The following BCAR3 variants were observed in gnomAD, a reference collection of about 807,000 sequenced individuals.
BCAR3 encodes BCAR3 adaptor protein, NSP family member, also known as breast cancer anti-estrogen resistance protein 3.
In BCAR3, 37 loss-of-function variants were observed where a neutral mutation model predicts 80.1. That is an observed-to-expected ratio of 0.46 (90% CI 0.36 to 0.61). The LOEUF is 0.61. Among genes scored for constraint, BCAR3 ranks in the 20% least tolerant of loss-of-function variants. The pLI, the probability that BCAR3 is intolerant of heterozygous loss-of-function variation, is 0.00. For synonymous variants in BCAR3, 389 were observed against 418.9 expected (o/e 0.93, Z 0.87); for missense variants, 978 against 1,068.2 (o/e 0.92, Z 1.18).
chr1:93,802,125 C>G (rs1653499754), intron 2 of BCAR3, among the ~76,000 whole-genome samples: 1 of 146,064 alleles, frequency 6.8e-6, no homozygotes, highest in South Asian at 2.1e-4. Context: ...AAGACTCCAT[C>G]TCAAAAAAAA....
chr1:93,654,692 C>T (rs1213638132), intron 2 of BCAR3, among the ~76,000 whole-genome samples: 1 of 152,198 alleles, frequency 6.6e-6, no homozygotes, highest in Non-Finnish European at 1.5e-5. Context: ...GTTGCTCAGA[C>T]ATGCCAAGCC....
chr1:93,643,565 A>AAG (rs1676060310), intron 2 of BCAR3, among the ~76,000 whole-genome samples: 1 of 147,712 alleles, frequency 6.8e-6, no homozygotes, highest in Non-Finnish European at 1.5e-5. Flanking sequence ...AAAAAAAAAA[A>AAG]AAAAAAAAAG....
At position 93,562,082 on chromosome 1, in the gene BCAR3, G is replaced by C; in HGVS notation, c.*159C>G. On this transcript the variant is annotated 3_prime_UTR_variant, in exon 12 of 12. Coordinates refer to ENST00000260502, the MANE Select transcript of BCAR3 (RefSeq NM_003567.4). ...GTAACTTTAGACAATTCATAAATAA[G>C]TGTGCTCTGTGCAATTTACACGTTT... 1.6e-6 allele frequency: 1 copy of C among 615,162 alleles called. No homozygotes were observed. The highest frequency in any genetic ancestry group is 2.6e-6 in the Non-Finnish European group (1 of 387,056). 38.1% of individuals were successfully genotyped at this position (615,162 alleles called of 1,614,324 possible). A position where few individuals can be genotyped will look rare whatever the true frequency, so the allele number is the denominator to read the frequency against.
intron 2 of BCAR3, among the ~76,000 whole-genome samples, chr1:93,822,453 C>T (rs1218359209): frequency 6.6e-6 from 1 of 152,004 alleles, no homozygotes; most frequent in African/African-American, 2.4e-5. Flanking sequence ...GATTCTCTTG[C>T]CTCAGCCTCC....
In BCAR3 at chr1:93,732,018, G is replaced by A. The variant is rs552172518; in HGVS notation, c.-62-25876C>T. ...GAAACAAGACCAAAAACAGCAAACCGCGTGGACAGCTGACTGTCCATGTCT... is the reference window on the plus strand; with the variant it reads ...GAAACAAGACCAAAAACAGCAAACCACGTGGACAGCTGACTGTCCATGTCT... On this transcript the variant is annotated intron_variant, in intron 2 of 13. Coordinates refer to the BCAR3 transcript ENST00000370244. 3.3e-5 allele frequency among the ~76,000 whole-genome samples: 5 copies of A among 152,310 alleles called. No individual in the cohort carries two copies. In the South Asian group the frequency reaches 1.0e-3, roughly 32 times the overall value.
chr1:93,650,565 A>C (rs1433972438), intron 2 of BCAR3, among the ~76,000 whole-genome samples: 1 of 152,200 alleles, frequency 6.6e-6, no homozygotes, highest in Non-Finnish European at 1.5e-5. Context: ...TGTGTCATCT[A>C]TAAAATGGGA....
chr1:93,803,583 G>A (rs550034283), intron 2 of BCAR3, among the ~76,000 whole-genome samples: 17 of 152,226 alleles, frequency 1.1e-4, no homozygotes, highest in African/African-American at 4.1e-4. Flanking sequence ...AACACAATAG[G>A]TTCATTCTGG....
intron 1 of BCAR3, chr1:93,846,741 C>G (rs1331269667): frequency 2.5e-6 from 1 of 392,836 alleles, no homozygotes; most frequent in African/African-American, 2.3e-5. Context: ...CAGTCGCGGG[C>G]CCCGGGCGCG....
chr1:93,582,157 G>T, intron 7 of BCAR3, 144 bp downstream of exon 7: 1 of 1,092,526 alleles, frequency 9.2e-7, no homozygotes, highest in Non-Finnish European at 1.3e-6. Context: ...ACTTTCCTAT[G>T]GGCAAAGCAT....
At chr1:93,826,616 G>T (rs61782410) in intron 2 of BCAR3, among the ~76,000 whole-genome samples, 1 of 152,150 alleles carries the variant, frequency 6.6e-6, no homozygotes, top group Non-Finnish European at 1.5e-5. Context: ...TCCAGTGAGG[G>T]AGAAGACTTA....
chr1:93,841,208 C>T (rs964165473), intron 2 of BCAR3, among the ~76,000 whole-genome samples: 10 of 152,216 alleles, frequency 6.6e-5, no homozygotes, highest in Non-Finnish European at 1.5e-4. Context: ...CACTGACTTT[C>T]TCAGCTGTAT....
intron 3 of BCAR3, among the ~76,000 whole-genome samples, chr1:93,629,204 G>C (rs1281009503): frequency 6.6e-6 from 1 of 152,056 alleles, no homozygotes; most frequent in African/African-American, 2.4e-5. Context: ...TTCTCCCAAG[G>C]CTCCTCCCAC....
At chr1:93,721,364 T>C (rs1259267464) in intron 2 of BCAR3, among the ~76,000 whole-genome samples, 1 of 152,118 alleles carries the variant, frequency 6.6e-6, no homozygotes, top group African/African-American at 2.4e-5. Context: ...AGAGTTCACC[T>C]CTACTTTGTC....
At chr1:93,601,121 C>T (rs1212398304) in intron 3 of BCAR3, among the ~76,000 whole-genome samples, 1 of 152,194 alleles carries the variant, frequency 6.6e-6, no homozygotes, top group Admixed American at 6.5e-5. Flanking sequence ...GACTATAGGA[C>T]CTGATGCAGG....
chr1:93,744,046 T>C (rs1313670954), intron 2 of BCAR3, among the ~76,000 whole-genome samples: 1 of 152,154 alleles, frequency 6.6e-6, no homozygotes. Flanking sequence ...GCAGGCTGTA[T>C]GCAAGAATAG....
chr1:93,657,805 A>T (rs1647459816), intron 2 of BCAR3, among the ~76,000 whole-genome samples: 1 of 152,204 alleles, frequency 6.6e-6, no homozygotes, highest in Non-Finnish European at 1.5e-5. Flanking sequence ...AAGCTTAATG[A>T]ACTGGACATG....
intron 2 of BCAR3, among the ~76,000 whole-genome samples, chr1:93,739,703 G>A (rs1395698904): frequency 6.6e-6 from 1 of 152,126 alleles, no homozygotes; most frequent in African/African-American, 2.4e-5. Flanking sequence ...CTGCCCTAAG[G>A]GGATGGAATA....
intron 3 of BCAR3, among the ~76,000 whole-genome samples, chr1:93,692,818 G>T (rs1286805805): frequency 1.3e-5 from 2 of 152,180 alleles, no homozygotes; most frequent in East Asian, 1.9e-4. Flanking sequence ...AAGCAAGCTG[G>T]GTTAGGTAAA....
intron 2 of BCAR3, among the ~76,000 whole-genome samples, chr1:93,771,657 G>T (rs1652359964): frequency 6.6e-6 from 1 of 152,214 alleles, no homozygotes; most frequent in African/African-American, 2.4e-5. Flanking sequence ...TTTTAGAGCT[G>T]TCAGGGACCT....
Sources: allele counts gnomAD v4.1 joint callset (sites outside exome capture counted in the v4.1 genomes callset), GRCh38; gene constraint gnomAD v4.1.1; transcripts MANE v1.5; gene names NCBI Gene and HGNC (gene_info 2026-07-23, HGNC 2026-07-21).